Variants in PSMA1 observed in about 807,000 individuals in gnomAD.
The protein encoded by PSMA1 is proteasome 20S subunit alpha 1.
PSMA1 carries 3 observed loss-of-function variants against 38.4 expected under a neutral mutation model. The observed-to-expected ratio is 0.08, with a 90% CI of 0.04 to 0.20. PSMA1 has a LOEUF of 0.20. Ranked by LOEUF, PSMA1 falls within the 10% of genes least tolerant of loss-of-function variation. PSMA1 has a pLI of 1.00. For synonymous variants in PSMA1, 101 were observed against 107.1 expected (o/e 0.94, Z 0.35); for missense variants, 227 against 325.3 (o/e 0.70, Z 2.32).
chr11:14,641,805 T>C (rs1282831738), intron 1 of PSMA1, among the ~76,000 whole-genome samples: 2 of 152,208 alleles, frequency 1.3e-5, no homozygotes, highest in Non-Finnish European at 1.5e-5. Context: ...CTTGCTCTTA[T>C]TATATTATTG....
chr11:14,521,128 C>T (rs748737373), upstream of PSMA1, among the ~76,000 whole-genome samples: 1 of 27,466 alleles, frequency 3.6e-5, no homozygotes, highest in Non-Finnish European at 7.0e-5. Context: ...CTTTCCATAA[C>T]GAAATAGTCT....
At chr11:14,611,170 G>A in intron 1 of PSMA1, 1 of 578,650 alleles carries the variant, frequency 1.7e-6, no homozygotes, top group Non-Finnish European at 3.1e-6. Flanking sequence ...CAATGGAGAA[G>A]GTAAAAGGAA....
chr11:14,507,462 G>A (rs998395068), intron 9 of PSMA1, 194 bp downstream of exon 9: 18 of 499,640 alleles, frequency 3.6e-5, no homozygotes, highest in East Asian at 2.3e-4. Context: ...CACCGCACCC[G>A]GCCCCCTTTT....
intron 2 of PSMA1, among the ~76,000 whole-genome samples, chr11:14,565,633 G>C (rs1352844945): frequency 6.6e-6 from 1 of 152,162 alleles, no homozygotes; most frequent in Non-Finnish European, 1.5e-5. Flanking sequence ...TGGAGCACTT[G>C]GGCCAGGCAC....
At chr11:14,576,790 A>G (rs565695811) in intron 2 of PSMA1, among the ~76,000 whole-genome samples, 5 of 152,194 alleles carry the variant, frequency 3.3e-5, no homozygotes, top group Non-Finnish European at 7.3e-5. Flanking sequence ...CGTGAACTTT[A>G]AAGTAGTTTT....
At chr11:14,595,524 T>A (rs948952296) in intron 2 of PSMA1, among the ~76,000 whole-genome samples, 1 of 152,262 alleles carries the variant, frequency 6.6e-6, no homozygotes, top group South Asian at 2.1e-4. Context: ...CATTTTTTCA[T>A]GTGTCTGTTG....
chr11:14,514,584 G>A (rs1361904126), intron 4 of PSMA1, 93 bp from the exon 5 acceptor site: 9 of 973,606 alleles, frequency 9.2e-6, no homozygotes, highest in South Asian at 4.6e-5. Context: ...TCTTCCAAGC[G>A]TTTACATGGA....
upstream of PSMA1, chr11:14,520,591 G>T: frequency 1.2e-6 from 1 of 862,530 alleles, no homozygotes; most frequent in Non-Finnish European, 1.7e-6. Context: ...CCCCTGTCAC[G>T]TAGCCCTTCT....
chr11:14,542,345 T>TGTAACCCA (rs1200405397), intron 2 of PSMA1, among the ~76,000 whole-genome samples: 2 of 152,168 alleles, frequency 1.3e-5, no homozygotes. Context: ...TGGGGGCATC[T>TGTAACCCA]GTAACCCATT....
intron 1 of PSMA1, among the ~76,000 whole-genome samples, chr11:14,637,614 T>C (rs987129202): frequency 1.3e-5 from 2 of 152,198 alleles, no homozygotes; most frequent in Non-Finnish European, 2.9e-5. Flanking sequence ...TGTTTCTCCA[T>C]GTTACAACAT....
chr11:14,630,376 G>T (rs925580561), intron 1 of PSMA1, among the ~76,000 whole-genome samples: 3 of 152,126 alleles, frequency 2.0e-5, no homozygotes, highest in African/African-American at 4.8e-5. Flanking sequence ...TAGCATGAAG[G>T]GTTGTTGAAT....
At chr11:14,538,373 C>A (rs1851734588) in intron 2 of PSMA1, among the ~76,000 whole-genome samples, 1 of 152,142 alleles carries the variant, frequency 6.6e-6, no homozygotes, top group Admixed American at 6.5e-5. Flanking sequence ...TCGATGAAGT[C>A]TAAAATCAAA....
At chr11:14,593,299 T>A (rs1852443971) in intron 2 of PSMA1, among the ~76,000 whole-genome samples, 1 of 152,210 alleles carries the variant, frequency 6.6e-6, no homozygotes, top group South Asian at 2.1e-4. Context: ...GCCTTGTATA[T>A]CTACAATCTG....
At chr11:14,642,287 T>A (rs1230165005) in intron 1 of PSMA1, among the ~76,000 whole-genome samples, 1 of 152,216 alleles carries the variant, frequency 6.6e-6, no homozygotes, top group Non-Finnish European at 1.5e-5. Context: ...GGTAATGAGT[T>A]CTATGCACAT....
rs764846188 is a variant in PSMA1 at position 14,507,673 on chromosome 11, G to T, written c.718C>A (p.Pro240Thr). 3 of 1,607,646 alleles carry T rather than the reference G, an allele frequency of 1.9e-6. No individual in the cohort carries two copies. Among genetic ancestry groups the T allele is most frequent in the Non-Finnish European group, 2.6e-6 (3 of 1,174,608 alleles). Residue 240 changes from proline to threonine, a missense_variant, in exon 9 of 10, where the codon CCA (proline) becomes ACA (threonine). Pro to Thr is a conservative substitution (Grantham distance 38, BLOSUM62 -1). Coordinates refer to ENST00000396394, the MANE Select transcript of PSMA1 (RefSeq NM_002786.4). ...SPFLEGLEER[P>T]QRKAQPAQPA... ...TTATATACCTGTGCCTTTCTCTGTG[G>T]TCTTTCTTCAAGACCTTCCAGGAAT... is the stretch of plus-strand genomic sequence containing the variant.
intron 2 of PSMA1, among the ~76,000 whole-genome samples, chr11:14,545,958 T>C (rs1851821264): frequency 6.6e-6 from 1 of 152,142 alleles, no homozygotes; most frequent in Non-Finnish European, 1.5e-5. Context: ...TCAGTGAAAA[T>C]AATGTAATTT....
At chr11:14,616,861 T>C (rs1056139329) in intron 1 of PSMA1, among the ~76,000 whole-genome samples, 13 of 152,180 alleles carry the variant, frequency 8.5e-5, no homozygotes, top group Non-Finnish European at 1.2e-4. Context: ...CCAGAGTCTA[T>C]GCACCTAACC....
intron 1 of PSMA1, among the ~76,000 whole-genome samples, chr11:14,635,941 G>A (rs1240186532): frequency 6.6e-6 from 1 of 152,142 alleles, no homozygotes; most frequent in East Asian, 1.9e-4. Context: ...TCTATTTCTA[G>A]AAATGTAGGG....
chr11:14,553,606 G>T (rs1851912353), intron 2 of PSMA1, among the ~76,000 whole-genome samples: 1 of 150,900 alleles, frequency 6.6e-6, no homozygotes, highest in African/African-American at 2.4e-5. Flanking sequence ...TTTTCACTCA[G>T]CATAATTTTC....
Sources: allele counts gnomAD v4.1 joint callset (sites outside exome capture counted in the v4.1 genomes callset), GRCh38; gene constraint gnomAD v4.1.1; transcripts MANE v1.5; gene names NCBI Gene and HGNC (gene_info 2026-07-23, HGNC 2026-07-21).